The following NCOA1 variants were observed in gnomAD, a reference collection of about 807,000 sequenced individuals.
NCOA1 encodes nuclear receptor coactivator 1.
Under a neutral mutation model 150.9 loss-of-function variants are expected in NCOA1, and 35 were observed. The observed-to-expected ratio is 0.23, with a 90% CI of 0.18 to 0.31. The LOEUF is 0.31. Ranked by LOEUF, NCOA1 falls within the 10% of genes least tolerant of loss-of-function variation. The pLI is 1.00. For missense variants in NCOA1, 1,491 were observed against 1,749.3 expected (o/e 0.85, Z 2.63); for synonymous variants, 590 against 630.0 (o/e 0.94, Z 0.95).
intron 14 of NCOA1, among the ~76,000 whole-genome samples, chr2:24,721,534 T>A (rs1005767703): frequency 6.6e-6 from 1 of 152,242 alleles, no homozygotes; most frequent in East Asian, 1.9e-4. Context: ...TCAGTTGTTG[T>A]GAGGAATAGG....
intron 1 of NCOA1, among the ~76,000 whole-genome samples, 141 bp downstream of exon 1, chr2:24,491,743 C>G (rs1453312680): frequency 2.0e-5 from 3 of 151,384 alleles, no homozygotes; most frequent in Non-Finnish European, 3.0e-5. Context: ...ATCCTCCTCC[C>G]ACTTCCCCGA....
At chr2:24,666,651 T>G (rs1671444254) in intron 6 of NCOA1, among the ~76,000 whole-genome samples, 1 of 151,600 alleles carries the variant, frequency 6.6e-6, no homozygotes. Flanking sequence ...TTTTTTTTTT[T>G]TGAGATGGAT....
At position 24,576,091 on chromosome 2, in the gene NCOA1, A is replaced by G. The variant is rs1043978399; in HGVS notation, c.-259-8385A>G. On this transcript the variant is annotated intron_variant, in intron 2 of 22. Transcript: ENST00000348332. ...TTGGGAGGTCTTTTTACTCTACCCTATTGGAATACAAACTATTCATAGCCT... is the reference window on the plus strand; with the variant it reads ...TTGGGAGGTCTTTTTACTCTACCCTGTTGGAATACAAACTATTCATAGCCT... Among the ~76,000 whole-genome samples the G allele has an allele frequency of 1.7e-4, 24 of 143,800 alleles. No individual in the cohort carries two copies. The East Asian group carries it at 2.0e-3, about 12-fold the overall frequency. The allele number at this position is 143,800 out of a possible 152,430, so 94.3% of individuals were successfully genotyped here.
chr2:24,642,037 T>TGTGTGTGTGTGCGCGCGC (rs942145000), intron 3 of NCOA1, among the ~76,000 whole-genome samples: 1 of 138,450 alleles, frequency 7.2e-6, no homozygotes, highest in African/African-American at 2.6e-5. Context: ...TGTGTGTGTG[T>TGTGTGTGTGTGCGCGCGC]GCGCGCGTGC....
chr2:24,765,462 G>C (rs1665014101), intron 22 of NCOA1, among the ~76,000 whole-genome samples: 1 of 151,040 alleles, frequency 6.6e-6, no homozygotes, highest in African/African-American at 2.4e-5. Context: ...TCGTGCCACT[G>C]CACTCCAGCC....
At chr2:24,671,794 C>T (rs114263873) in intron 6 of NCOA1, among the ~76,000 whole-genome samples, 1 of 152,296 alleles carries the variant, frequency 6.6e-6, no homozygotes, top group Non-Finnish European at 1.5e-5. Flanking sequence ...CTCCTGACCT[C>T]AGATGATCTG....
At chr2:24,520,740 G>A (rs998894763) in intron 1 of NCOA1, among the ~76,000 whole-genome samples, 1 of 152,186 alleles carries the variant, frequency 6.6e-6, no homozygotes, top group Non-Finnish European at 1.5e-5. Flanking sequence ...TTAAACACAT[G>A]CAGCTGATTA....
chr2:24,498,871 A>G (rs528856531), intron 1 of NCOA1, among the ~76,000 whole-genome samples: 6 of 152,124 alleles, frequency 3.9e-5, no homozygotes, highest in Non-Finnish European at 7.4e-5. Context: ...TGTTTTTGAA[A>G]TGATTCCATA....
chr2:24,719,861 T>C (rs555403183), intron 14 of NCOA1, among the ~76,000 whole-genome samples: 1 of 152,330 alleles, frequency 6.6e-6, no homozygotes, highest in East Asian at 1.9e-4. Flanking sequence ...TTGAAACATC[T>C]GATAAATTCT....
chr2:24,526,506 G>A (rs1461918982), intron 1 of NCOA1, among the ~76,000 whole-genome samples: 3 of 147,244 alleles, frequency 2.0e-5, no homozygotes, highest in African/African-American at 4.9e-5. Flanking sequence ...CTATTGTCTC[G>A]ACCTTTTTTA....
chr2:24,733,927 G>A lies in NCOA1; in HGVS notation c.3201+4112G>A, dbSNP rs990500111. Among the ~76,000 whole-genome samples, 139 of 152,130 alleles carry A rather than the reference G, an allele frequency of 9.1e-4. 1 individual carries two copies. Among genetic ancestry groups the A allele is most frequent in the Admixed American group, 2.2e-3 (33 of 15,270 alleles). On this transcript the variant is annotated intron_variant, in intron 17 of 22. Coordinates refer to ENST00000348332, the MANE Select transcript of NCOA1 (RefSeq NM_003743.5). The stretch of plus-strand genomic sequence containing the variant: ...AGGCCAGGCACGGTGGCTCACGCCT[G>A]TAACCCCAGCACTTTGGGAGGCCGA...
intron 7 of NCOA1, among the ~76,000 whole-genome samples, chr2:24,677,528 A>G (rs892908121): frequency 8.5e-5 from 13 of 152,058 alleles, no homozygotes; most frequent in African/African-American, 3.1e-4. Flanking sequence ...GGTTTAAGCA[A>G]TTCTTGTGCC....
rs192157186 is a variant in NCOA1, at chr2:24,677,653, G to A, written c.354+4190G>A. Among the ~76,000 whole-genome samples the A allele has an allele frequency of 4.3e-3, 635 of 148,628 alleles. 3 individuals carry two copies. Among genetic ancestry groups the A allele is most frequent in the South Asian group, 0.02 (93 of 4,756 alleles). On this transcript the variant is annotated intron_variant, in intron 7 of 22. Coordinates refer to ENST00000348332, the MANE Select transcript of NCOA1 (RefSeq NM_003743.5). ...TGGCCAGTCTGGTCTCGAACTCCTG[G>A]CCTCACATGATCCACCCCGGTTGGC... is the stretch of plus-strand genomic sequence containing the variant.
chr2:24,732,726 A>T (rs541993734), intron 17 of NCOA1, among the ~76,000 whole-genome samples: 37 of 152,292 alleles, frequency 2.4e-4, no homozygotes, highest in Middle Eastern at 3.4e-3. Flanking sequence ...AGATTCAGGG[A>T]TGTTATCAAG....
rs1428408255 is a variant in NCOA1 at position 24,768,287 on chromosome 2, T to C, written c.4222T>C (p.Tyr1408His). 1 of 1,613,738 alleles carries C rather than the reference T, an allele frequency of 6.2e-7. No individual in the cohort carries two copies. The highest frequency in any genetic ancestry group is 1.3e-5 in the African/African-American group (1 of 74,840). Reference protein sequence around the residue: ...CTVNLVGGDPYLNQPGPLGTQ... With the variant: ...CTVNLVGGDPHLNQPGPLGTQ... ...AGTGAATCTGGTAGGCGGGGACCCT[T>C]ACCTGAACCAGCCTGGTCCACTGGG... The change falls in exon 23 of 23, where the codon TAC becomes CAC. Residue 1408 changes from tyrosine (Y) to histidine (H), a missense_variant. Physicochemically the swap from Tyr to His is moderately conservative, Grantham distance 83. Transcript: ENST00000348332.
chr2:24,676,535 C>T (rs949884734), intron 7 of NCOA1: 3 of 152,384 alleles, frequency 2.0e-5, no homozygotes, highest in Non-Finnish European at 4.4e-5. Flanking sequence ...GCGAAAGAAC[C>T]AGTAAGAACT....
At chr2:24,534,378 A>C (rs4665267) in intron 1 of NCOA1, among the ~76,000 whole-genome samples, 6,153 of 147,922 alleles carry the variant, frequency 0.042, 144 homozygotes, top group East Asian at 0.11. Flanking sequence ...AATTTTGTTG[A>C]TCTTTTCAGA....
intron 17 of NCOA1, among the ~76,000 whole-genome samples, chr2:24,733,105 A>G (rs1180409272): frequency 6.6e-6 from 1 of 152,188 alleles, no homozygotes; most frequent in Non-Finnish European, 1.5e-5. Flanking sequence ...TCTGTCTTCA[A>G]GAAAGAAGGG....
intron 1 of NCOA1, chr2:24,492,067 C>T (rs1303707233): frequency 6.6e-6 from 1 of 152,106 alleles, no homozygotes; most frequent in East Asian, 1.9e-4. Context: ...GGAATCTCGC[C>T]TGCCGGGACC....
Sources: allele counts gnomAD v4.1 joint callset (sites outside exome capture counted in the v4.1 genomes callset), GRCh38; gene constraint gnomAD v4.1.1; transcripts MANE v1.5; gene names NCBI Gene and HGNC (gene_info 2026-07-23, HGNC 2026-07-21).